SH3RF3: variants seen among roughly 807,000 people sequenced by gnomAD.
SH3RF3 encodes E3 ubiquitin-protein ligase SH3RF3.
Under a neutral mutation model 66.3 loss-of-function variants are expected in SH3RF3, and 29 were observed. The observed-to-expected ratio is 0.44, with a 90% confidence interval of 0.33 to 0.60. The LOEUF (loss-of-function observed/expected upper bound fraction) is 0.60, where lower values mean the gene tolerates loss of function less well. Ranked by LOEUF, SH3RF3 falls within the 20% of genes least tolerant of loss-of-function variation. The probability of loss-of-function intolerance (pLI) is 0.04; values close to 1 mark genes in which losing one functional copy is unlikely to be tolerated. For missense variants in SH3RF3, 1,194 were observed against 1,190.9 expected (o/e 1.00, Z -0.04); for synonymous variants, 583 against 532.0 (o/e 1.10, Z -1.32).
At chr2:109,150,703 G>A (rs1283256464) in intron 1 of SH3RF3, among the ~76,000 whole-genome samples, 3 of 152,072 alleles carry the variant, frequency 2.0e-5, no homozygotes, top group Non-Finnish European at 4.4e-5. Flanking sequence ...GGATTGGTGC[G>A]ATGAGCCTCA....
chr2:109,475,364 G>A (rs930749289), intron 8 of SH3RF3, among the ~76,000 whole-genome samples: 5 of 152,334 alleles, frequency 3.3e-5, no homozygotes, highest in African/African-American at 1.2e-4. Flanking sequence ...ATGCTCCAAA[G>A]CAAACCCACG....
At chr2:109,144,093 A>G (rs979023776) in intron 1 of SH3RF3, among the ~76,000 whole-genome samples, 1 of 152,242 alleles carries the variant, frequency 6.6e-6, no homozygotes, top group Non-Finnish European at 1.5e-5. Flanking sequence ...ACTTTCAGTT[A>G]TAAGATGAAT....
chr2:109,362,450 T>C (rs1683067210), intron 2 of SH3RF3, among the ~76,000 whole-genome samples: 1 of 152,180 alleles, frequency 6.6e-6, no homozygotes, highest in Non-Finnish European at 1.5e-5. Context: ...TTTTATTTGT[T>C]TAAATTTGTT....
chr2:109,245,911 T>G (rs1180983969), intron 1 of SH3RF3, among the ~76,000 whole-genome samples: 1 of 152,208 alleles, frequency 6.6e-6, no homozygotes, highest in East Asian at 1.9e-4. Flanking sequence ...CATCATTTAC[T>G]GGTCTCAGGA....
intron 7 of SH3RF3, among the ~76,000 whole-genome samples, chr2:109,444,451 A>T (rs1418928461): frequency 2.0e-5 from 3 of 152,228 alleles, no homozygotes; most frequent in Non-Finnish European, 4.4e-5. Context: ...GAATATGGAC[A>T]GGAAGCCCCT....
intron 1 of SH3RF3, among the ~76,000 whole-genome samples, chr2:109,235,790 T>TA (rs1679633083): frequency 6.6e-6 from 1 of 152,220 alleles, no homozygotes; most frequent in Non-Finnish European, 1.5e-5. Flanking sequence ...TCCCTGTTCT[T>TA]ATTTCATCTT....
At chr2:109,259,199 G>C (rs577884938) in intron 1 of SH3RF3, among the ~76,000 whole-genome samples, 1 of 152,378 alleles carries the variant, frequency 6.6e-6, no homozygotes, top group African/African-American at 2.4e-5. Context: ...TAAAGTGTAG[G>C]CTTCTCTGGC....
rs185145039 is a variant in SH3RF3, at chr2:109,441,487, G to A, written c.1828+4341G>A. 1.8e-4 allele frequency among the ~76,000 whole-genome samples: 28 copies of A among 152,190 alleles called. No homozygotes were observed. In the East Asian group the frequency reaches 4.6e-3, roughly 25 times the overall value. On this transcript the variant is annotated intron_variant, in intron 7 of 9. Transcript: ENST00000309415. The stretch of plus-strand genomic sequence containing the variant: ...TAAACTTGAAGATATAGTAATAGAA[G>A]CCGTGGAAAGTGGAACACAGAGATA...
chr2:109,488,204 T>A (rs1479170061), intron 8 of SH3RF3, among the ~76,000 whole-genome samples: 1 of 152,168 alleles, frequency 6.6e-6, no homozygotes, highest in African/African-American at 2.4e-5. Flanking sequence ...GCCTTAGCAC[T>A]GATGACATTT....
intron 1 of SH3RF3, among the ~76,000 whole-genome samples, chr2:109,286,360 A>G (rs1258359208): frequency 1.3e-5 from 2 of 152,136 alleles, no homozygotes; most frequent in African/African-American, 4.8e-5. Context: ...TGGTCACTCC[A>G]GGGGGCCCTT....
intron 9 of SH3RF3, among the ~76,000 whole-genome samples, chr2:109,495,006 C>T (rs2104396811): frequency 6.6e-6 from 1 of 151,918 alleles, no homozygotes; most frequent in East Asian, 1.9e-4. Flanking sequence ...GCTGCCCTGC[C>T]CCAGCAGCTG....
At chr2:109,314,944 A>T (rs965734993) in intron 1 of SH3RF3, among the ~76,000 whole-genome samples, 2 of 152,186 alleles carry the variant, frequency 1.3e-5, no homozygotes, top group Non-Finnish European at 2.9e-5. Context: ...TATGAATCTC[A>T]TTCTTGGCAA....
intron 8 of SH3RF3, among the ~76,000 whole-genome samples, chr2:109,453,639 C>CATGAGG (rs1426312926): frequency 6.6e-6 from 1 of 152,214 alleles, no homozygotes; most frequent in African/African-American, 2.4e-5. Flanking sequence ...TTGCAAAGAG[C>CATGAGG]ATGAGGATGT....
intron 1 of SH3RF3, among the ~76,000 whole-genome samples, chr2:109,231,260 TCTACAG>T (rs1361647967): frequency 6.6e-6 from 1 of 152,250 alleles, no homozygotes; most frequent in Non-Finnish European, 1.5e-5. Flanking sequence ...TGCTCTTTCT[TCTACAG>T]CTGAGAGGAA....
chr2:109,150,147 T>A (rs922374921), intron 1 of SH3RF3, among the ~76,000 whole-genome samples: 10 of 152,158 alleles, frequency 6.6e-5, no homozygotes, highest in Admixed American at 6.5e-4. Flanking sequence ...AGGAAGTGGT[T>A]GTGAGAGCCA....
At chr2:109,465,166 G>T (rs939388814) in intron 8 of SH3RF3, among the ~76,000 whole-genome samples, 3 of 152,126 alleles carry the variant, frequency 2.0e-5, no homozygotes, top group Admixed American at 1.3e-4. Flanking sequence ...GTTCTTTTTA[G>T]CACTGAATAA....
chr2:109,397,787 G>A lies in SH3RF3; in HGVS notation c.946-803G>A, dbSNP rs141149216. On this transcript the variant is annotated intron_variant, in intron 3 of 9. Coordinates refer to ENST00000309415, the MANE Select transcript of SH3RF3 (RefSeq NM_001099289.3). ...CTGAGAGGAAGGATGTGGCTTAGCCGGCCAGGAGGGTTTATTCCCCGGTTG... is the reference window on the plus strand; with the variant it reads ...CTGAGAGGAAGGATGTGGCTTAGCCAGCCAGGAGGGTTTATTCCCCGGTTG... Among the ~76,000 whole-genome samples the A allele has an allele frequency of 2.3e-3, 357 of 152,340 alleles. 2 individuals are homozygous for A. Among genetic ancestry groups the A allele is most frequent in the African/African-American group, 7.0e-3 (290 of 41,592 alleles).
intron 3 of SH3RF3, among the ~76,000 whole-genome samples, chr2:109,392,121 A>G (rs996944070): frequency 1.6e-4 from 24 of 152,218 alleles, no homozygotes; most frequent in African/African-American, 2.4e-5. Context: ...TAGCCCAAAA[A>G]GGCCTGATTT....
intron 1 of SH3RF3, among the ~76,000 whole-genome samples, chr2:109,268,753 AG>A (rs1680559962): frequency 6.7e-6 from 1 of 148,582 alleles, no homozygotes; most frequent in Non-Finnish European, 1.5e-5. Context: ...AAAAAAAAAA[AG>A]GCTTTGAGTC....
Sources: allele counts gnomAD v4.1 joint callset (sites outside exome capture counted in the v4.1 genomes callset), GRCh38; gene constraint gnomAD v4.1.1; transcripts MANE v1.5; gene names NCBI Gene and HGNC (gene_info 2026-07-23, HGNC 2026-07-21).